SNTG1: variants seen among roughly 807,000 people sequenced by gnomAD.
SNTG1 encodes syntrophin gamma 1.
A neutral mutation model predicts 74.7 loss-of-function variants in SNTG1; 39 were observed. That is an observed-to-expected ratio of 0.52 (90% CI 0.40 to 0.68). The LOEUF (loss-of-function observed/expected upper bound fraction) is 0.68, where lower values mean the gene tolerates loss of function less well. Among genes scored for constraint, SNTG1 ranks in the 30% least tolerant of loss-of-function variants. SNTG1 has a pLI of 0.00. For missense variants in SNTG1, 685 were observed against 609.5 expected, an observed-to-expected ratio of 1.12 and a Z score of -1.30; for synonymous variants, 254 against 217.1, an observed-to-expected ratio of 1.17 and a Z score of -1.49.
At chr8:49,927,319 A>G (rs1807117347) in intron 1 of SNTG1, among the ~76,000 whole-genome samples, 1 of 152,200 alleles carries the variant, frequency 6.6e-6, no homozygotes, top group African/African-American at 2.4e-5. Context: ...TAGCAACTTT[A>G]TTCATAATAC....
chr8:50,313,255 A>C (rs2090184216), intron 2 of SNTG1, among the ~76,000 whole-genome samples: 1 of 150,006 alleles, frequency 6.7e-6, no homozygotes, highest in Non-Finnish European at 1.5e-5. Context: ...TTGGCTGAAC[A>C]ATGATTTTTT....
At chr8:50,114,665 G>A (rs537762811) in intron 1 of SNTG1, among the ~76,000 whole-genome samples, 1 of 152,216 alleles carries the variant, frequency 6.6e-6, no homozygotes, top group Non-Finnish European at 1.5e-5. Context: ...AAGAGACTGA[G>A]ACCATCCTGG....
intron 2 of SNTG1, among the ~76,000 whole-genome samples, chr8:50,290,009 A>G (rs1433111402): frequency 1.3e-5 from 2 of 152,102 alleles, no homozygotes; most frequent in Non-Finnish European, 1.5e-5. Flanking sequence ...ATTGCAGGGG[A>G]TAGGGGTACA....
chr8:50,512,322 G>A (rs1380187457), intron 9 of SNTG1, among the ~76,000 whole-genome samples: 6 of 151,194 alleles, frequency 4.0e-5, no homozygotes, highest in Non-Finnish European at 8.8e-5. Flanking sequence ...TGGGTAACCC[G>A]ACCTTTCTCT....
intron 13 of SNTG1, among the ~76,000 whole-genome samples, chr8:50,597,858 T>G (rs1055396041): frequency 6.6e-6 from 1 of 152,070 alleles, no homozygotes; most frequent in East Asian, 1.9e-4. Flanking sequence ...TTTGTATGTA[T>G]TCTTTTGAGA....
intron 1 of SNTG1, among the ~76,000 whole-genome samples, chr8:50,159,540 A>G (rs1563675670): frequency 6.6e-6 from 1 of 152,196 alleles, no homozygotes; most frequent in African/African-American, 2.4e-5. Context: ...CTATAATCTC[A>G]ATGAGATTTT....
intron 2 of SNTG1, among the ~76,000 whole-genome samples, chr8:50,385,063 C>A (rs986623461): frequency 6.6e-6 from 1 of 152,160 alleles, no homozygotes; most frequent in African/African-American, 2.4e-5. Flanking sequence ...GAGGACTTGT[C>A]CTGTGATTCA....
At chr8:50,667,715 G>A (rs959656949) in intron 15 of SNTG1, among the ~76,000 whole-genome samples, 2 of 151,650 alleles carry the variant, frequency 1.3e-5, no homozygotes, top group African/African-American at 4.8e-5. Context: ...AGTAAAAAGA[G>A]GTGTCTCTGC....
intron 4 of SNTG1, among the ~76,000 whole-genome samples, chr8:50,432,072 T>G (rs2093243132): frequency 6.6e-6 from 1 of 152,286 alleles, no homozygotes; most frequent in Non-Finnish European, 1.5e-5. Flanking sequence ...ATACTTTTGG[T>G]GTTGTATCTA....
intron 15 of SNTG1, among the ~76,000 whole-genome samples, chr8:50,660,375 A>AG (rs2095213972): frequency 3.1e-5 from 2 of 65,506 alleles, no homozygotes; most frequent in African/African-American, 1.6e-4. Flanking sequence ...AGAGAGAAAG[A>AG]AGGAAGGAAG....
At chr8:50,373,149 A>T (rs1056570700) in intron 2 of SNTG1, among the ~76,000 whole-genome samples, 2 of 152,228 alleles carry the variant, frequency 1.3e-5, no homozygotes, top group Non-Finnish European at 1.5e-5. Context: ...ATTCCAATGT[A>T]GCACTTGGTA....
intron 2 of SNTG1, among the ~76,000 whole-genome samples, chr8:50,351,723 G>A (rs536154932): frequency 2.7e-4 from 41 of 152,324 alleles, no homozygotes; most frequent in African/African-American, 9.1e-4. Flanking sequence ...ACAGCTGAAA[G>A]TTTCCTTTTC....
At chr8:50,008,159 G>A (rs1235937011) in intron 1 of SNTG1, among the ~76,000 whole-genome samples, 1 of 152,080 alleles carries the variant, frequency 6.6e-6, no homozygotes, top group Non-Finnish European at 1.5e-5. Context: ...AAACCCACAT[G>A]TTTCTATGTA....
At chr8:50,256,042 C>A (rs765138821) in intron 2 of SNTG1, among the ~76,000 whole-genome samples, 3 of 152,322 alleles carry the variant, frequency 2.0e-5, no homozygotes, top group Admixed American at 1.3e-4. Context: ...TCACCAAAAA[C>A]AAAGCATGTT....
At chr8:50,710,513 A>G (rs571966732) in intron 17 of SNTG1, among the ~76,000 whole-genome samples, 15 of 152,208 alleles carry the variant, frequency 9.9e-5, no homozygotes, top group Non-Finnish European at 1.8e-4. Flanking sequence ...AGAAAACGCT[A>G]TTGCCAGAAT....
intron 2 of SNTG1, among the ~76,000 whole-genome samples, chr8:50,388,073 T>C (rs1315330464): frequency 6.6e-6 from 1 of 152,200 alleles, no homozygotes; most frequent in Non-Finnish European, 1.5e-5. Flanking sequence ...ACTAGCAGGA[T>C]GAGACTCTGG....
Position 50,431,952 on chromosome 8 carries a change from A to C in SNTG1, c.163-6591A>C, listed in dbSNP as rs557544015. On this transcript the variant is annotated intron_variant, in intron 4 of 18. Coordinates refer to ENST00000642720, the MANE Select transcript of SNTG1 (RefSeq NM_018967.5). ...TCTTCTATCAGATATGTGATTTACA[A>C]ATATTTTCCTCTAGTCCATAGCTTG... Among the ~76,000 whole-genome samples the C allele has an allele frequency of 2.1e-3, 321 of 152,266 alleles. 2 individuals carry two copies. Among genetic ancestry groups the C allele is most frequent in the African/African-American group, 7.2e-3 (300 of 41,552 alleles).
intron 1 of SNTG1, among the ~76,000 whole-genome samples, chr8:50,063,297 A>G (rs1586108957): frequency 1.3e-5 from 2 of 152,264 alleles, no homozygotes; most frequent in South Asian, 4.1e-4. Flanking sequence ...GAGAATTTCC[A>G]GAGTATCAAG....
intron 1 of SNTG1, among the ~76,000 whole-genome samples, chr8:49,974,396 A>AT (rs1811995699): frequency 1.3e-5 from 2 of 152,234 alleles, no homozygotes; most frequent in African/African-American, 4.8e-5. Flanking sequence ...GAGTTAAAGC[A>AT]TGAATAAAAC....
Sources: allele counts gnomAD v4.1 joint callset (sites outside exome capture counted in the v4.1 genomes callset), GRCh38; gene constraint gnomAD v4.1.1; transcripts MANE v1.5; gene names NCBI Gene and HGNC (gene_info 2026-07-23, HGNC 2026-07-21).